The following LRRC4C variants were observed in gnomAD, a reference collection of about 807,000 sequenced individuals.
LRRC4C encodes the protein leucine rich repeat containing 4C, also known as leucine-rich repeat-containing protein 4C.
LRRC4C carries 5 observed loss-of-function variants against 33.6 expected under a neutral mutation model. The ratio of observed to expected loss-of-function variants is 0.15; its 90% confidence interval spans 0.08 to 0.31. LRRC4C has a LOEUF of 0.31. Among genes scored for constraint, LRRC4C ranks in the 10% least tolerant of loss-of-function variants. LRRC4C has a pLI of 1.00. For synonymous variants in LRRC4C, 329 were observed against 302.0 expected (o/e 1.09, Z -0.93); for missense variants, 560 against 796.7 (o/e 0.70, Z 3.58).
At chr11:41,184,480 T>C (rs1049465387) in intron 1 of LRRC4C, among the ~76,000 whole-genome samples, 5 of 152,178 alleles carry the variant, frequency 3.3e-5, no homozygotes, top group Non-Finnish European at 4.4e-5. Context: ...GTTTATTTGC[T>C]AAACATAACA....
At chr11:41,242,634 T>C (rs983573608) in intron 1 of LRRC4C, among the ~76,000 whole-genome samples, 1 of 152,172 alleles carries the variant, frequency 6.6e-6, no homozygotes, top group Non-Finnish European at 1.5e-5. Flanking sequence ...ATTCATGAGG[T>C]GCTAGTGCTG....
intron 2 of LRRC4C, among the ~76,000 whole-genome samples, chr11:40,766,470 T>C (rs11517960): frequency 0.045 from 6,824 of 151,086 alleles, 222 homozygotes; most frequent in Middle Eastern, 0.076. Flanking sequence ...TATAACACTG[T>C]AATTGTGGTG....
At chr11:40,821,069 G>T (rs186807054) in intron 2 of LRRC4C, among the ~76,000 whole-genome samples, 5 of 151,650 alleles carry the variant, frequency 3.3e-5, no homozygotes, top group African/African-American at 7.2e-5. Flanking sequence ...TATTTTAAAA[G>T]AAAATATACT....
At chr11:40,851,685 CAGG>C (rs1953508783) in intron 2 of LRRC4C, among the ~76,000 whole-genome samples, 1 of 152,110 alleles carries the variant, frequency 6.6e-6, no homozygotes, top group Admixed American at 6.6e-5. Context: ...GAGGCTGAGC[CAGG>C]AGAATTGCTT....
intron 5 of LRRC4C, among the ~76,000 whole-genome samples, chr11:40,171,134 GA>G (rs529053143): frequency 5.9e-5 from 9 of 151,920 alleles, no homozygotes; most frequent in South Asian, 2.1e-4. Flanking sequence ...CTAAAAAATG[GA>G]AAAAAATGAA....
chr11:40,454,388 A>ATT (rs879523492), intron 3 of LRRC4C, among the ~76,000 whole-genome samples: 19 of 146,992 alleles, frequency 1.3e-4, no homozygotes, highest in Admixed American at 2.1e-4. Context: ...AACTTAGAGA[A>ATT]TTTTTTTTTT....
At chr11:40,253,471 A>G (rs1051635466) in intron 4 of LRRC4C, among the ~76,000 whole-genome samples, 3 of 152,174 alleles carry the variant, frequency 2.0e-5, no homozygotes, top group African/African-American at 7.2e-5. Flanking sequence ...AAGACTTGTT[A>G]CTCAATCTCA....
chr11:40,260,761 T>A (rs568382206), intron 4 of LRRC4C, among the ~76,000 whole-genome samples: 77 of 152,354 alleles, frequency 5.1e-4, no homozygotes, highest in African/African-American at 1.7e-3. Context: ...ACATTTGTTT[T>A]ATTTCTTTTC....
At chr11:40,972,834 CAG>C (rs987776880) in intron 1 of LRRC4C, among the ~76,000 whole-genome samples, 18 of 152,170 alleles carry the variant, frequency 1.2e-4, no homozygotes, top group African/African-American at 4.3e-4. Context: ...GGTGGGGACA[CAG>C]AGCCAGACCA....
intron 1 of LRRC4C, among the ~76,000 whole-genome samples, chr11:41,186,289 G>A (rs923255113): frequency 1.3e-5 from 2 of 152,186 alleles, no homozygotes; most frequent in Admixed American, 1.3e-4. Flanking sequence ...CCTCAGTAGA[G>A]AAGTGGTTAA....
intron 2 of LRRC4C, among the ~76,000 whole-genome samples, chr11:40,702,910 G>A (rs72896639): frequency 0.01 from 1,547 of 152,226 alleles, 11 homozygotes; most frequent in Non-Finnish European, 0.015. Context: ...ATTTTAAAAT[G>A]TCATAAGATT....
chr11:41,409,830 GA>G (rs557210714), intron 1 of LRRC4C, among the ~76,000 whole-genome samples: 3 of 151,690 alleles, frequency 2.0e-5, no homozygotes, highest in Non-Finnish European at 4.4e-5. Flanking sequence ...AAAAAATTGC[GA>G]AAAAAAATGA....
rs753647168 is a variant in LRRC4C at position 40,115,052 on chromosome 11, G to T, written c.1241C>A (p.Thr414Lys). The change falls in exon 7 of 7, where the codon ACA (threonine) becomes AAA (lysine). Residue 414 changes from threonine to lysine, a missense_variant. Thr to Lys is a moderately conservative substitution (Grantham distance 78, BLOSUM62 -1). Around this residue, in one of 3 missense-constraint regions of LRRC4C, gnomAD observed 455 missense variants for 643.8 expected, o/e 0.71. Coordinates refer to ENST00000528697, the MANE Select transcript of LRRC4C (RefSeq NM_001258419.2). This position sits in a 1 kb window ranked among gnomAD's most constrained non-coding sequence, Gnocchi z 6.7. ...GCCTGTATCTTGCACAGTTACATTT[G>T]TGAAATTTAACGTACCATCACTGAG... ...AVLSDGTLNF[T>K]NVTVQDTGMY... 6.2e-7 allele frequency: 1 copy of T among 1,614,092 alleles called. No individual in the cohort carries two copies. Among genetic ancestry groups the T allele is most frequent in the Admixed American group, 1.7e-5 (1 of 60,010 alleles).
intron 3 of LRRC4C, among the ~76,000 whole-genome samples, chr11:40,597,693 A>C (rs1021432966): frequency 2.6e-5 from 4 of 152,164 alleles, no homozygotes; most frequent in Non-Finnish European, 5.9e-5. Context: ...TACTACAAAG[A>C]GGGAGGCAAG....
At chr11:40,178,765 G>T (rs1249995034) in intron 5 of LRRC4C, among the ~76,000 whole-genome samples, 1 of 152,178 alleles carries the variant, frequency 6.6e-6, no homozygotes, top group African/African-American at 2.4e-5. Flanking sequence ...TTTCCTCGCT[G>T]TGGGGTTGGT....
intron 4 of LRRC4C, among the ~76,000 whole-genome samples, chr11:40,299,111 C>T (rs1325008043): frequency 6.6e-6 from 1 of 152,190 alleles, no homozygotes; most frequent in Non-Finnish European, 1.5e-5. Context: ...TTATGAATAA[C>T]AAAGGTCCTT....
intron 3 of LRRC4C, among the ~76,000 whole-genome samples, chr11:40,345,861 C>T (rs1395324042): frequency 7.2e-6 from 1 of 139,676 alleles, no homozygotes; most frequent in Non-Finnish European, 1.6e-5. Flanking sequence ...AAGGAAAAAC[C>T]AAACAACACC....
At chr11:40,433,857 A>G (rs1434845471) in intron 3 of LRRC4C, among the ~76,000 whole-genome samples, 4 of 152,200 alleles carry the variant, frequency 2.6e-5, no homozygotes, top group African/African-American at 9.6e-5. Flanking sequence ...GAAAGCATTT[A>G]AAGTAGGAAG....
At chr11:40,221,886 C>T (rs1045799936) in intron 5 of LRRC4C, among the ~76,000 whole-genome samples, 3 of 152,118 alleles carry the variant, frequency 2.0e-5, no homozygotes, top group Non-Finnish European at 2.9e-5. Context: ...TTAAAAGGGA[C>T]AGGAATTGCT....
Sources: gnomAD v4.1 joint callset for allele counts (sites outside exome capture counted in the v4.1 genomes callset) on GRCh38, gnomAD v4.1.1 for gene constraint, gnomAD v4.1.1 regional missense constraint, Gnocchi (gnomAD v3.1) non-coding constraint, MANE v1.5 for transcripts, NCBI Gene and HGNC (gene_info 2026-07-23, HGNC 2026-07-21) for gene names.